The following CFAP74 variants were observed in gnomAD, a reference collection of about 807,000 sequenced individuals.
CFAP74 encodes cilia and flagella associated protein 74.
In CFAP74, 124 loss-of-function variants were observed where a neutral mutation model predicts 188.9. The observed-to-expected ratio is 0.66, with a 90% CI of 0.57 to 0.76. The LOEUF (loss-of-function observed/expected upper bound fraction) is 0.76. CFAP74 is among the 30% of genes least tolerant of loss of function. The pLI is 0.00. For synonymous variants in CFAP74, 956 were observed against 916.7 expected (o/e 1.04, Z -0.77); for missense variants, 2,198 against 2,165.2 (o/e 1.02, Z -0.30).
In CFAP74 at chr1:1,937,229, G is replaced by A. The variant is rs186586928; in HGVS notation, c.3011+1626C>T. On this transcript the variant is annotated intron_variant, in intron 25 of 38. Transcript: ENST00000682832. Reference sequence around the variant, plus strand: ...GAGGGAGAGGCGACGGGGCGTTAGCGCCCTGGGGAAGGAGCCAGCGTGGCT... The same window carrying A: ...GAGGGAGAGGCGACGGGGCGTTAGCACCCTGGGGAAGGAGCCAGCGTGGCT... 3.9e-3 allele frequency among the ~76,000 whole-genome samples: 600 copies of A among 152,344 alleles called. 4 individuals carry two copies. Among genetic ancestry groups the A allele is most frequent in the African/African-American group, 0.014 (578 of 41,584 alleles).
Position 1,954,822 on chromosome 1 carries a change from G to C in CFAP74, c.2176+869C>G, listed in dbSNP as rs986883182. The C allele has an allele frequency of 2.7e-6, 3 of 1,126,316 alleles. No individual in the cohort carries two copies. In the African/African-American group the frequency reaches 5.0e-5, roughly 19 times the overall value. The allele number at this position is 1,126,316 out of a possible 1,614,324, so 69.8% of individuals were successfully genotyped here. On this transcript the variant is annotated intron_variant, in intron 18 of 38. Transcript: ENST00000682832. The stretch of plus-strand genomic sequence containing the variant: ...TTTGGTATTAGCTGATGCCAGTGAG[G>C]CTGGCTATGCCCTGTGATGCAGGCA...
chr1:1,999,936 C>T (rs372795422), intron 1 of CFAP74, among the ~76,000 whole-genome samples: 63 of 152,066 alleles, frequency 4.1e-4, no homozygotes, highest in African/African-American at 1.3e-3. Context: ...GAGGCTGAGG[C>T]GGGCGGATCA....
chr1:1,970,918 T>G (rs771233279), intron 9 of CFAP74, 102 bp from the exon 10 acceptor site: 5 of 1,313,216 alleles, frequency 3.8e-6, no homozygotes, highest in African/African-American at 2.9e-5. Flanking sequence ...CATGCACACG[T>G]GCACACACGT....
rs1177521624 is a variant in CFAP74, at chr1:1,940,024, T to C, written c.2704-257A>G. Among the ~76,000 whole-genome samples, 3 of 152,170 alleles carry C rather than the reference T, an allele frequency of 2.0e-5. No homozygotes were observed. The East Asian group carries it at 5.8e-4, about 29-fold the overall frequency. ...CATGTGTCTCTGTGTGCGGCACACA[T>C]GGGCGCATAGACGTGTGCAGCTGAG... On this transcript the variant is annotated intron_variant, in intron 23 of 38. Transcript: ENST00000682832.
In CFAP74 at chr1:1,926,453, A is replaced by G; in HGVS notation, c.3828+4T>C. ...GGCCGCCTGAGCTGGGTGGACAAGG[A>G]CACGGCCAGATCCTCGGGAGAGACG... On this transcript the variant is annotated splice_donor_region_variant and intron_variant, in intron 31 of 38. Transcript: ENST00000682832. 6.5e-7 allele frequency: 1 copy of G among 1,550,222 alleles called. No individual in the cohort carries two copies. The highest frequency in any genetic ancestry group is 8.7e-7 in the Non-Finnish European group (1 of 1,146,904).
chr1:1,973,092 T>C lies in CFAP74; in HGVS notation c.675-45A>G, dbSNP rs1013586213. On this transcript the variant is annotated intron_variant, in intron 7 of 38. Transcript: ENST00000682832. The surrounding 1 kb of genome is among the most constrained non-coding windows in gnomAD (Gnocchi z 6.2). The stretch of plus-strand genomic sequence containing the variant: ...TCAGAGGGAAACTCGGCATCACACG[T>C]CCCATCTGCCCCCAAGCCCTGCACG... 8.5e-6 allele frequency: 12 copies of C among 1,409,258 alleles called. No individual in the cohort carries two copies. The highest frequency in any genetic ancestry group is 1.1e-5 in the Non-Finnish European group (11 of 1,005,360). 87.3% of individuals were successfully genotyped at this position (1,409,258 alleles called of 1,614,324 possible).
At chr1:1,928,048 G>A (rs911713604) in intron 27 of CFAP74, 4 of 432,698 alleles carry the variant, frequency 9.2e-6, no homozygotes, top group African/African-American at 4.1e-5. Context: ...TCTTCACCGC[G>A]GAAGGCCGAA....
chr1:1,999,975 C>T (rs1035768586), intron 1 of CFAP74, among the ~76,000 whole-genome samples: 3 of 152,106 alleles, frequency 2.0e-5, no homozygotes, highest in African/African-American at 4.8e-5. Flanking sequence ...ACCATCCTGG[C>T]TAACACGGTG....
At chr1:2,002,692 T>C (rs1658265814) in intron 1 of CFAP74, among the ~76,000 whole-genome samples, 1 of 150,214 alleles carries the variant, frequency 6.7e-6, no homozygotes, top group Non-Finnish European at 1.5e-5. Flanking sequence ...ATTTAAAGAA[T>C]ATATGTAGTA....
chr1:1,994,587 G>A (rs1268907219), intron 1 of CFAP74, among the ~76,000 whole-genome samples: 3 of 152,172 alleles, frequency 2.0e-5, no homozygotes, highest in Non-Finnish European at 4.4e-5. Context: ...TGAATGGCAG[G>A]ATTTTCAGAA....
At chr1:1,991,800 G>A (rs1200846248) in intron 1 of CFAP74, among the ~76,000 whole-genome samples, 1 of 152,136 alleles carries the variant, frequency 6.6e-6, no homozygotes, top group Non-Finnish European at 1.5e-5. Flanking sequence ...AGCACTTTGG[G>A]AGGCCAAGGT....
intron 18 of CFAP74, chr1:1,955,011 T>C (rs1654456132): frequency 9.0e-7 from 1 of 1,110,950 alleles, no homozygotes. Flanking sequence ...CACGCAGTGG[T>C]GAGGACAGGA....
rs1653448044 is a variant in CFAP74 at position 1,942,430 on chromosome 1, A to G, written c.2487-274T>C. 6.6e-6 allele frequency among the ~76,000 whole-genome samples: 1 copy of G among 152,180 alleles called. No individual in the cohort carries two copies. The highest frequency in any genetic ancestry group is 1.5e-5 in the Non-Finnish European group (1 of 68,008). On this transcript the variant is annotated intron_variant, in intron 21 of 38. Coordinates refer to ENST00000682832, the MANE Select transcript of CFAP74 (RefSeq NM_001304360.2). This position sits in a 1 kb window ranked among gnomAD's most constrained non-coding sequence, Gnocchi z 4.3. ...CGGTCCTAATGGGCTCTCGGGAACC[A>G]GATGCTTTCCGGGAAGAGCACCTGC...
chr1:1,972,100 A>C lies in CFAP74; in HGVS notation c.786-18T>G. On this transcript the variant is annotated intron_variant, in intron 8 of 38. Coordinates refer to ENST00000682832, the MANE Select transcript of CFAP74 (RefSeq NM_001304360.2). ...CTCGGATTCTGAGGAAGGACATTTAAACATTTTTGAGGCTCTGTCGCCCAG... is the reference window on the plus strand; with the variant it reads ...CTCGGATTCTGAGGAAGGACATTTACACATTTTTGAGGCTCTGTCGCCCAG... 6.3e-7 allele frequency: 1 copy of C among 1,594,684 alleles called. No individual in the cohort carries two copies. Among genetic ancestry groups the C allele is most frequent in the Non-Finnish European group, 8.6e-7 (1 of 1,166,222 alleles).
Position 1,979,896 on chromosome 1 carries a change from T to A in CFAP74, c.500+5490A>T, listed in dbSNP as rs896413810. On this transcript the variant is annotated intron_variant, in intron 6 of 38. Transcript: ENST00000682832. ...GCAGAACACACGTGTCGTGCTGAGC[T>A]GGGCATGGGAAGGTGTCACGTGACG... Among the ~76,000 whole-genome samples, 9 of 147,404 alleles carry A rather than the reference T, an allele frequency of 6.1e-5. 2 individuals are homozygous for A. The highest frequency in any genetic ancestry group is 4.1e-4 in the Admixed American group (6 of 14,636).
intron 1 of CFAP74, among the ~76,000 whole-genome samples, chr1:2,001,608 G>A (rs1658214883): frequency 6.6e-6 from 1 of 152,234 alleles, no homozygotes; most frequent in African/African-American, 2.4e-5. Flanking sequence ...TTACAGGCGT[G>A]AGCCACTGCA....
At position 1,933,343 on chromosome 1, in the gene CFAP74, CTAATTTT is replaced by C. The variant is rs1234544327; in HGVS notation, c.3012-3014_3012-3008del. The stretch of plus-strand genomic sequence containing the variant: ...TACAGGTGTGCAGCACCTTACCTGG[CTAATTTT>C]TGCATTTTTAGTAGAGACAGGGTTT... On this transcript the variant is annotated intron_variant, in intron 25 of 38. Transcript: ENST00000682832. Among the ~76,000 whole-genome samples the C allele has an allele frequency of 1.7e-4, 26 of 151,826 alleles. No individual in the cohort carries two copies. The East Asian group carries it at 4.8e-3, about 28-fold the overall frequency.
chr1:1,991,397 G>A (rs769260898), intron 1 of CFAP74, among the ~76,000 whole-genome samples: 10 of 152,006 alleles, frequency 6.6e-5, no homozygotes, highest in African/African-American at 1.4e-4. Context: ...CAGTATCCTC[G>A]AGTATCACTT....
intron 17 of CFAP74, among the ~76,000 whole-genome samples, 200 bp from the exon 18 acceptor site, chr1:1,956,050 T>G (rs1249937562): frequency 6.6e-6 from 1 of 152,128 alleles, no homozygotes; most frequent in Non-Finnish European, 1.5e-5. Flanking sequence ...ACCCAGAGAC[T>G]CAGAGTCACC....
Sources: allele counts gnomAD v4.1 joint callset (sites outside exome capture counted in the v4.1 genomes callset), GRCh38; gene constraint gnomAD v4.1.1; non-coding constraint Gnocchi (gnomAD v3.1); transcripts MANE v1.5; gene names NCBI Gene and HGNC (gene_info 2026-07-23, HGNC 2026-07-21).